The following DPH6 variants were observed in gnomAD, a reference collection of about 807,000 sequenced individuals.
DPH6 encodes the protein diphthamine biosynthesis 6, also known as diphthine--ammonia ligase.
A neutral mutation model predicts 38.2 loss-of-function variants in DPH6; 33 were observed. The observed-to-expected ratio is 0.86, with a 90% CI of 0.65 to 1.15. The LOEUF is 1.15. DPH6 is among the 50% of genes most tolerant of loss of function. The pLI is 0.00. For missense variants in DPH6, 325 were observed against 320.0 expected, an observed-to-expected ratio of 1.02 and a Z score of -0.12; for synonymous variants, 108 against 103.0, an observed-to-expected ratio of 1.05 and a Z score of -0.30.
intron 5 of DPH6, among the ~76,000 whole-genome samples, chr15:35,448,609 C>T (rs1276515538): frequency 3.9e-5 from 6 of 152,202 alleles, no homozygotes; most frequent in African/African-American, 1.4e-4. Flanking sequence ...CACTGTTTAT[C>T]ACAGTGCCAA....
intron 4 of DPH6, among the ~76,000 whole-genome samples, chr15:35,452,655 A>AT (rs2053950776): frequency 6.6e-6 from 1 of 152,196 alleles, no homozygotes; most frequent in Admixed American, 6.5e-5. Context: ...GTTGCGTGTA[A>AT]TTTTCCCTTT....
At chr15:35,387,660 T>A (rs543194448) in intron 6 of DPH6, among the ~76,000 whole-genome samples, 1 of 152,298 alleles carries the variant, frequency 6.6e-6, no homozygotes, top group East Asian at 1.9e-4. Flanking sequence ...TATTGGTGTA[T>A]AAGAATGCTT....
intron 5 of DPH6, among the ~76,000 whole-genome samples, chr15:35,416,264 A>C (rs2053435238): frequency 6.6e-6 from 1 of 152,194 alleles, no homozygotes; most frequent in South Asian, 2.1e-4. Context: ...CACAGGGCAG[A>C]ACAATAGAAT....
chr15:35,404,289 T>C (rs2053261215), intron 6 of DPH6, among the ~76,000 whole-genome samples: 1 of 152,166 alleles, frequency 6.6e-6, no homozygotes, highest in African/African-American at 2.4e-5. Context: ...TTTTAGTTTT[T>C]TGAGGAGCCT....
At chr15:35,524,244 T>C (rs980581910) in intron 3 of DPH6, among the ~76,000 whole-genome samples, 8 of 152,148 alleles carry the variant, frequency 5.3e-5, no homozygotes, top group Non-Finnish European at 1.2e-4. Flanking sequence ...TAAAAGTTTC[T>C]AAATGCTTAT....
intron 3 of DPH6, among the ~76,000 whole-genome samples, chr15:35,474,854 C>T (rs1049760295): frequency 2.0e-5 from 3 of 151,772 alleles, no homozygotes; most frequent in African/African-American, 7.3e-5. Flanking sequence ...AGTTAGAATA[C>T]CGTACCTCGT....
chr15:35,520,455 C>A, intron 3 of DPH6: 2 of 983,702 alleles, frequency 2.0e-6, no homozygotes, highest in Non-Finnish European at 2.4e-6. Context: ...TAATTAAGTT[C>A]CATATATTTT....
At chr15:35,146,841 C>G in the DPH6 span, among the ~76,000 whole-genome samples, 1 of 152,074 alleles carries the variant, frequency 6.6e-6, no homozygotes, top group African/African-American at 2.4e-5. Context: ...CCTTATCACC[C>G]AACATGTCAC....
chr15:35,360,109 T>C (rs1287848690), intron 3 of DPH6, among the ~76,000 whole-genome samples: 1 of 152,206 alleles, frequency 6.6e-6, no homozygotes, highest in African/African-American at 2.4e-5. Flanking sequence ...TGTTGTTCTA[T>C]GCATCTGAAA....
intron 3 of DPH6, among the ~76,000 whole-genome samples, chr15:35,356,986 G>A (rs1004714500): frequency 4.6e-5 from 7 of 152,152 alleles, no homozygotes; most frequent in South Asian, 2.1e-4. Context: ...GCAGTGGCGG[G>A]TGCCTCTCCC....
chr15:35,528,968 A>G (rs2055045509), intron 3 of DPH6, among the ~76,000 whole-genome samples: 1 of 151,868 alleles, frequency 6.6e-6, no homozygotes, highest in Non-Finnish European at 1.5e-5. Flanking sequence ...ATTTTCCACC[A>G]CTCCTCAAAC....
At chr15:35,268,081 A>C (rs1357665387) in intron 3 of DPH6, among the ~76,000 whole-genome samples, 1 of 151,988 alleles carries the variant, frequency 6.6e-6, no homozygotes, top group African/African-American at 2.4e-5. Flanking sequence ...GAGGCAGGAG[A>C]ATGGTGTGAA....
intron 3 of DPH6, among the ~76,000 whole-genome samples, chr15:35,458,118 T>C (rs1566917422): frequency 6.6e-6 from 1 of 152,182 alleles, no homozygotes; most frequent in African/African-American, 2.4e-5. Context: ...TTTTTAAAAT[T>C]TGTATTTTTA....
chr15:35,246,532 T>C lies in DPH6; in HGVS notation n.201-25950A>G, dbSNP rs900344151. Among the ~76,000 whole-genome samples, 3 of 152,196 alleles carry C rather than the reference T, an allele frequency of 2.0e-5. No homozygotes were observed. In the South Asian group the frequency reaches 6.2e-4, roughly 32 times the overall value. Reference sequence around the variant, plus strand: ...CCTGCCTTTTAGTGAGCAATGGGATTAGCGCCAGACTGCAGTAAGCAATTT... The same window carrying C: ...CCTGCCTTTTAGTGAGCAATGGGATCAGCGCCAGACTGCAGTAAGCAATTT... On this transcript the variant is annotated intron_variant and non_coding_transcript_variant, in intron 3 of 3. Transcript: ENST00000560386.
At chr15:35,362,268 G>T (rs943700074) in intron 3 of DPH6, among the ~76,000 whole-genome samples, 2 of 152,010 alleles carry the variant, frequency 1.3e-5, no homozygotes, top group African/African-American at 2.4e-5. Context: ...AGGTTCTCTG[G>T]AACCATTACA....
At chr15:35,267,268 G>C (rs962010646) in intron 3 of DPH6, among the ~76,000 whole-genome samples, 2 of 152,154 alleles carry the variant, frequency 1.3e-5, no homozygotes, top group African/African-American at 4.8e-5. Context: ...GCCTTGATCT[G>C]TACTGGACCA....
At chr15:35,429,424 A>T (rs2053606339) in intron 5 of DPH6, among the ~76,000 whole-genome samples, 1 of 152,142 alleles carries the variant, frequency 6.6e-6, no homozygotes, top group African/African-American at 2.4e-5. Context: ...TGATTCTATT[A>T]TTCAAAGTAT....
chr15:35,541,089 C>T (rs76525963), intron 2 of DPH6, among the ~76,000 whole-genome samples: 11,599 of 151,992 alleles, frequency 0.076, 543 homozygotes, highest in African/African-American at 0.13. Flanking sequence ...TTTCAAAAAA[C>T]ATCACTTCTA....
chr15:35,216,256 A>G (rs2051410534), downstream of DPH6, among the ~76,000 whole-genome samples: 1 of 152,246 alleles, frequency 6.6e-6, no homozygotes, highest in African/African-American at 2.4e-5. Flanking sequence ...TTTGCAGACA[A>G]TATACCAATA....
Sources: gnomAD v4.1 joint callset for allele counts (sites outside exome capture counted in the v4.1 genomes callset) on GRCh38, gnomAD v4.1.1 for gene constraint, MANE v1.5 for transcripts, NCBI Gene and HGNC (gene_info 2026-07-23, HGNC 2026-07-21) for gene names.